Variants in CTNNA2 observed in about 807,000 individuals in gnomAD.
CTNNA2 encodes the protein catenin alpha 2.
A neutral mutation model predicts 101.0 loss-of-function variants in CTNNA2; 42 were observed. That is an observed-to-expected ratio of 0.42 (90% CI 0.32 to 0.54). CTNNA2 has a LOEUF of 0.54. CTNNA2 is among the 20% of genes least tolerant of loss of function. CTNNA2 has a pLI of 0.14. For synonymous variants in CTNNA2, 450 were observed against 456.4 expected, an observed-to-expected ratio of 0.99 and a Z score of 0.18; for missense variants, 871 against 1,223.1, an observed-to-expected ratio of 0.71 and a Z score of 4.29.
At chr2:80,630,699 C>T (rs376322833) in intron 18 of CTNNA2, among the ~76,000 whole-genome samples, 2 of 151,820 alleles carry the variant, frequency 1.3e-5, no homozygotes, top group East Asian at 3.9e-4. Context: ...GAATGAGTAA[C>T]TACATTTTAA....
intron 7 of CTNNA2, among the ~76,000 whole-genome samples, chr2:80,027,212 G>A (rs1344171075): frequency 6.6e-6 from 1 of 152,212 alleles, no homozygotes; most frequent in Non-Finnish European, 1.5e-5. Flanking sequence ...GGAGTTAGTG[G>A]TATGGGAATG....
intron 18 of CTNNA2, among the ~76,000 whole-genome samples, chr2:80,638,821 GAC>G (rs1309410115): frequency 2.6e-5 from 4 of 152,152 alleles, no homozygotes; most frequent in Non-Finnish European, 5.9e-5. Flanking sequence ...TAAAAATGAA[GAC>G]ACAAAATATG....
intron 7 of CTNNA2, among the ~76,000 whole-genome samples, chr2:80,134,776 C>G (rs1702601773): frequency 6.6e-6 from 1 of 152,092 alleles, no homozygotes; most frequent in South Asian, 2.1e-4. Context: ...AGATTTCTTC[C>G]CCGAAAGAGT....
intron 9 of CTNNA2, among the ~76,000 whole-genome samples, chr2:80,436,121 C>T (rs1682001557): frequency 1.3e-5 from 2 of 152,138 alleles, no homozygotes; most frequent in Admixed American, 1.3e-4. Context: ...CATGTTTATC[C>T]CTAGAGTCAC....
chr2:80,186,342 A>G (rs1487532478), intron 7 of CTNNA2, among the ~76,000 whole-genome samples: 2 of 152,166 alleles, frequency 1.3e-5, no homozygotes, highest in African/African-American at 2.4e-5. Context: ...TCTTGTTTGG[A>G]TCTTTAATGG....
chr2:80,084,526 A>G lies in CTNNA2; in HGVS notation c.1056+174729A>G, dbSNP rs140819342. Among the ~76,000 whole-genome samples, 531 of 152,174 alleles carry G rather than the reference A, an allele frequency of 3.5e-3. 6 individuals carry two copies. The highest frequency in any genetic ancestry group is 0.014 in the Middle Eastern group (4 of 294). ...ACTCTTCTAAGTCCGGGAACACACA[A>G]TCAGCTCGTATTGAATTTGTCAAAG... On this transcript the variant is annotated intron_variant, in intron 7 of 18. Coordinates refer to ENST00000402739, the MANE Select transcript of CTNNA2 (RefSeq NM_001282597.3).
chr2:79,213,030 G>A (rs181493214), intron 2 of CTNNA2, among the ~76,000 whole-genome samples: 1 of 152,284 alleles, frequency 6.6e-6, no homozygotes, highest in African/African-American at 2.4e-5. Flanking sequence ...AGAATAGAAT[G>A]GGCCTGTGAG....
intron 7 of CTNNA2, among the ~76,000 whole-genome samples, chr2:80,316,814 A>G (rs1252829520): frequency 2.0e-5 from 3 of 152,202 alleles, no homozygotes; most frequent in Non-Finnish European, 2.9e-5. Flanking sequence ...TACTTCACAT[A>G]TGCAGGCATA....
intron 9 of CTNNA2, among the ~76,000 whole-genome samples, chr2:80,457,027 G>T (rs1424179956): frequency 2.0e-5 from 3 of 152,042 alleles, no homozygotes; most frequent in Non-Finnish European, 4.4e-5. Context: ...ACTGTTTGAG[G>T]TGATTGATAT....
intron 7 of CTNNA2, among the ~76,000 whole-genome samples, chr2:80,044,423 C>T (rs1345524967): frequency 2.0e-5 from 3 of 152,066 alleles, no homozygotes; most frequent in Non-Finnish European, 4.4e-5. Context: ...GATACTGACT[C>T]ATATATTACC....
At chr2:79,625,388 G>A (rs1377613046) in intron 1 of CTNNA2, among the ~76,000 whole-genome samples, 1 of 152,130 alleles carries the variant, frequency 6.6e-6, no homozygotes, top group Non-Finnish European at 1.5e-5. Context: ...ATGTTTGAGA[G>A]TGTAGAGTCA....
At chr2:79,191,583 A>T (rs1673870984) in intron 1 of CTNNA2, among the ~76,000 whole-genome samples, 2 of 152,152 alleles carry the variant, frequency 1.3e-5, no homozygotes, top group African/African-American at 4.8e-5. Flanking sequence ...CTTATCACAA[A>T]ATCTATAAAT....
intron 4 of CTNNA2, among the ~76,000 whole-genome samples, chr2:79,475,641 T>C (rs1671042527): frequency 6.6e-6 from 1 of 151,978 alleles, no homozygotes; most frequent in Non-Finnish European, 1.5e-5. Flanking sequence ...TTTCAAATAC[T>C]CTGATTTTCA....
intron 2 of CTNNA2, among the ~76,000 whole-genome samples, chr2:79,688,466 A>G (rs918984482): frequency 1.3e-5 from 2 of 151,990 alleles, no homozygotes; most frequent in Non-Finnish European, 2.9e-5. Context: ...AATTAAAAAT[A>G]TATATATCTA....
At chr2:80,230,260 G>GTTTCT (rs1553472975) in intron 7 of CTNNA2, among the ~76,000 whole-genome samples, 3 of 121,630 alleles carry the variant, frequency 2.5e-5, no homozygotes, top group African/African-American at 9.9e-5. Context: ...TTTTTTCTTT[G>GTTTCT]TTTTTTTTTT....
chr2:79,910,203 C>T (rs998519259), intron 7 of CTNNA2, among the ~76,000 whole-genome samples: 1 of 152,010 alleles, frequency 6.6e-6, no homozygotes, highest in Non-Finnish European at 1.5e-5. Flanking sequence ...GAATCTTCAC[C>T]CCTAAGAGGC....
chr2:79,408,456 C>T (rs1294769076), intron 4 of CTNNA2, among the ~76,000 whole-genome samples: 2 of 130,430 alleles, frequency 1.5e-5, no homozygotes, highest in African/African-American at 5.5e-5. Context: ...CCTCCCCCCT[C>T]CCCTCACCCC....
chr2:79,861,509 G>T (rs756698949), intron 4 of CTNNA2, among the ~76,000 whole-genome samples: 3 of 152,158 alleles, frequency 2.0e-5, no homozygotes, highest in Non-Finnish European at 4.4e-5. Context: ...GTGTGGTTTG[G>T]CAGTGTGCAG....
intron 7 of CTNNA2, among the ~76,000 whole-genome samples, chr2:80,114,609 C>T (rs911533598): frequency 6.6e-6 from 1 of 152,270 alleles, no homozygotes; most frequent in African/African-American, 2.4e-5. Context: ...TAGAGGAGCA[C>T]GCTGGCTTTC....
Sources: allele counts gnomAD v4.1 joint callset (sites outside exome capture counted in the v4.1 genomes callset), GRCh38; gene constraint gnomAD v4.1.1; transcripts MANE v1.5; gene names NCBI Gene and HGNC (gene_info 2026-07-23, HGNC 2026-07-21).